Variants in PARP8 observed in about 807,000 individuals in gnomAD.
The protein encoded by PARP8 is protein mono-ADP-ribosyltransferase PARP8.
PARP8 carries 51 observed loss-of-function variants against 124.1 expected under a neutral mutation model. That is an observed-to-expected ratio of 0.41 (90% CI 0.33 to 0.52). The LOEUF is 0.52. Ranked by LOEUF, PARP8 falls within the 20% of genes least tolerant of loss-of-function variation. The probability of loss-of-function intolerance (pLI) is 0.21; values close to 1 mark genes in which losing one functional copy is unlikely to be tolerated. For missense variants in PARP8, 860 were observed against 1,018.9 expected (o/e 0.84, Z 2.12); for synonymous variants, 391 against 361.5 (o/e 1.08, Z -0.93).
intron 25 of PARP8, among the ~76,000 whole-genome samples, chr5:50,836,138 T>G (rs1181000831): frequency 6.6e-6 from 1 of 152,206 alleles, no homozygotes; most frequent in Non-Finnish European, 1.5e-5. Flanking sequence ...TTGGATGATT[T>G]GAAAACTGTG....
At chr5:50,708,960 T>C (rs1348215671) in intron 2 of PARP8, among the ~76,000 whole-genome samples, 2 of 110,094 alleles carry the variant, frequency 1.8e-5, no homozygotes, top group Non-Finnish European at 4.5e-5. Context: ...TTTTTATTTG[T>C]TATTTTGTAG....
At chr5:50,768,006 CAT>C (rs916142770) in intron 7 of PARP8, among the ~76,000 whole-genome samples, 19 of 149,730 alleles carry the variant, frequency 1.3e-4, no homozygotes, top group African/African-American at 3.7e-4. Context: ...TGTGTATATA[CAT>C]ATATGTGTGT....
At chr5:50,757,141 G>A (rs529618729) in intron 3 of PARP8, 1 of 455,686 alleles carries the variant, frequency 2.2e-6, no homozygotes, top group African/African-American at 2.0e-5. Context: ...CTGCCACAAT[G>A]CACATGGTGG....
At chr5:50,728,872 T>C (rs1159515324) in intron 2 of PARP8, among the ~76,000 whole-genome samples, 1 of 152,096 alleles carries the variant, frequency 6.6e-6, no homozygotes, top group East Asian at 1.9e-4. Context: ...TATTTTATAT[T>C]GGAGATATAT....
intron 25 of PARP8, among the ~76,000 whole-genome samples, chr5:50,839,307 A>G (rs1354589574): frequency 6.6e-6 from 1 of 151,990 alleles, no homozygotes; most frequent in Non-Finnish European, 1.5e-5. Flanking sequence ...AGTCCAATGT[A>G]TCATCTCCCT....
chr5:50,766,747 T>C (rs1170843454), intron 7 of PARP8, among the ~76,000 whole-genome samples: 1 of 152,152 alleles, frequency 6.6e-6, no homozygotes, highest in Non-Finnish European at 1.5e-5. Context: ...ACAATTGTAA[T>C]TGGGCCTTTT....
intron 2 of PARP8, among the ~76,000 whole-genome samples, chr5:50,743,383 T>C (rs1758245692): frequency 6.6e-6 from 1 of 152,034 alleles, no homozygotes; most frequent in South Asian, 2.1e-4. Context: ...AGTGAATGTT[T>C]TGGGAACTGA....
chr5:50,756,665 A>G (rs1759994933), intron 3 of PARP8, among the ~76,000 whole-genome samples: 1 of 152,172 alleles, frequency 6.6e-6, no homozygotes, highest in Non-Finnish European at 1.5e-5. Flanking sequence ...ATTATAGTCA[A>G]GTTATACAAC....
chr5:50,807,938 A>G (rs1429550200), intron 14 of PARP8, among the ~76,000 whole-genome samples: 4 of 152,006 alleles, frequency 2.6e-5, no homozygotes, highest in East Asian at 3.9e-4. Flanking sequence ...ATGTTTGCAC[A>G]TGTCTGTCAC....
intron 2 of PARP8, among the ~76,000 whole-genome samples, chr5:50,702,141 T>C (rs1183123946): frequency 3.3e-5 from 5 of 152,160 alleles, no homozygotes; most frequent in African/African-American, 1.2e-4. Flanking sequence ...TCTTTAGAAA[T>C]AAAAGGAACA....
At chr5:50,708,357 A>T (rs1754380721) in intron 2 of PARP8, among the ~76,000 whole-genome samples, 2 of 152,016 alleles carry the variant, frequency 1.3e-5, no homozygotes. Context: ...TTTTACTGAA[A>T]CATAGCACTC....
chr5:50,821,481 A>G (rs898092953), intron 16 of PARP8, 143 bp downstream of exon 16: 1 of 955,880 alleles, frequency 1.0e-6, no homozygotes, highest in Non-Finnish European at 1.5e-6. Flanking sequence ...ATTTCATCAT[A>G]TATTTTTGGG....
At chr5:50,750,310 TA>T (rs1175511327) in intron 3 of PARP8, 122 bp downstream of exon 3, 4 of 748,198 alleles carry the variant, frequency 5.3e-6, no homozygotes, top group Admixed American at 5.1e-5. Flanking sequence ...GAGGAAGCCT[TA>T]AAGCTATAGA....
At chr5:50,766,318 G>A (rs1441361632) in intron 7 of PARP8, among the ~76,000 whole-genome samples, 2 of 152,132 alleles carry the variant, frequency 1.3e-5, no homozygotes, top group Non-Finnish European at 2.9e-5. Flanking sequence ...CGATCAGTCT[G>A]AATAAGTCTC....
Position 50,795,484 on chromosome 5 carries a change from T to C in PARP8, c.1428+67T>C. On this transcript the variant is annotated intron_variant, in intron 12 of 25. Coordinates refer to ENST00000281631, the MANE Select transcript of PARP8 (RefSeq NM_024615.4). ...AGGTGCAGTAGAATTTTTTTTTTCT[T>C]ATAAGATCTGGTGGAGAAAAGAAGC... 4 of 1,320,292 alleles carry C rather than the reference T, an allele frequency of 3.0e-6. No homozygotes were observed. The South Asian group carries it at 6.5e-5, about 21-fold the overall frequency. The allele number at this position is 1,320,292 out of a possible 1,614,324, so 81.8% of individuals were successfully genotyped here. A position where few individuals can be genotyped will look rare whatever the true frequency, so the allele number is the denominator to read the frequency against.
In PARP8 at chr5:50,821,248, G is replaced by A. The variant is rs762167332; in HGVS notation, c.1704G>A (p.Ala568=). Residue 568 remains alanine (A), a synonymous_variant, in exon 16 of 26, where the codon GCG becomes GCA. Coordinates refer to ENST00000281631, the MANE Select transcript of PARP8 (RefSeq NM_024615.4). ...TACTAGTATCCATGTGTAGGTCTGCGTTGGAATCTCCTAGAAAAGTTGTGA... is the reference window on the plus strand; with the variant it reads ...TACTAGTATCCATGTGTAGGTCTGCATTGGAATCTCCTAGAAAAGTTGTGA... ...VDLLVSMCRS[A]LESPRKVVIF... 1.7e-5 allele frequency: 28 copies of A among 1,613,808 alleles called. No individual in the cohort carries two copies. Among genetic ancestry groups the A allele is most frequent in the East Asian group, 1.6e-4 (7 of 44,864 alleles).
In PARP8 at chr5:50,782,741, C is replaced by T. The variant is rs374941603; in HGVS notation, c.670+4091C>T. Among the ~76,000 whole-genome samples, 297 of 152,130 alleles carry T rather than the reference C, an allele frequency of 2.0e-3. 3 individuals are homozygous for T. Among genetic ancestry groups the T allele is most frequent in the African/African-American group, 6.8e-3 (281 of 41,486 alleles). On this transcript the variant is annotated intron_variant, in intron 9 of 25. Transcript: ENST00000281631. ...TTACGGTGTGTTGCCTGGGACCACTCCTAATATTTGATACTACATCAGTTA... is the reference window on the plus strand; with the variant it reads ...TTACGGTGTGTTGCCTGGGACCACTTCTAATATTTGATACTACATCAGTTA...
At chr5:50,729,378 G>C (rs532684099) in intron 2 of PARP8, among the ~76,000 whole-genome samples, 1 of 152,062 alleles carries the variant, frequency 6.6e-6, no homozygotes, top group Non-Finnish European at 1.5e-5. Context: ...TTTCTGATGA[G>C]TTGCTAAATA....
At chr5:50,691,296 G>A (rs898997375) in intron 2 of PARP8, among the ~76,000 whole-genome samples, 4 of 152,104 alleles carry the variant, frequency 2.6e-5, no homozygotes, top group Non-Finnish European at 5.9e-5. Flanking sequence ...TCCATCCTCA[G>A]GTTTTCTCTT....
Sources: gnomAD v4.1 joint callset for allele counts (sites outside exome capture counted in the v4.1 genomes callset) on GRCh38, gnomAD v4.1.1 for gene constraint, MANE v1.5 for transcripts, NCBI Gene and HGNC (gene_info 2026-07-23, HGNC 2026-07-21) for gene names.